The following NRXN1 variants were observed in gnomAD, a reference collection of about 807,000 sequenced individuals.
NRXN1 encodes neurexin 1.
In NRXN1, 39 loss-of-function variants were observed where a neutral mutation model predicts 150.9. The observed-to-expected ratio is 0.26, with a 90% CI of 0.20 to 0.34. The LOEUF is 0.34. Among genes scored for constraint, NRXN1 ranks in the 10% least tolerant of loss-of-function variants. NRXN1 has a pLI of 1.00. For synonymous variants in NRXN1, 924 were observed against 757.0 expected (o/e 1.22, Z -3.62); for missense variants, 1,815 against 1,949.9 (o/e 0.93, Z 1.30).
At chr2:50,297,146 C>A (rs2073681898) in intron 17 of NRXN1, among the ~76,000 whole-genome samples, 1 of 152,112 alleles carries the variant, frequency 6.6e-6, no homozygotes. Flanking sequence ...GCCTCAGCCT[C>A]CCAAAGTGCT....
At chr2:50,610,697 C>A in intron 8 of NRXN1, among the ~76,000 whole-genome samples, 2 of 74,590 alleles carry the variant, frequency 2.7e-5, no homozygotes, top group Admixed American at 1.7e-4. Context: ...AACAGAATAG[C>A]CAGATCACTT....
At chr2:50,335,477 G>A (rs1297229808) in intron 17 of NRXN1, among the ~76,000 whole-genome samples, 1 of 152,060 alleles carries the variant, frequency 6.6e-6, no homozygotes, top group African/African-American at 2.4e-5. Context: ...CAAAAAAGGT[G>A]CAATCATTTT....
intron 18 of NRXN1, among the ~76,000 whole-genome samples, chr2:50,094,601 C>G (rs1431855592): frequency 6.6e-6 from 1 of 151,914 alleles, no homozygotes; most frequent in Non-Finnish European, 1.5e-5. Context: ...AGTGGCCAAG[C>G]AAAGAGATAT....
In NRXN1 at chr2:51,023,769, C is replaced by G. The variant is rs189535527; in HGVS notation, c.772+3733G>C. On this transcript the variant is annotated intron_variant, in intron 2 of 22. Coordinates refer to ENST00000401669, the MANE Select transcript of NRXN1 (RefSeq NM_001330078.2). The stretch of plus-strand genomic sequence containing the variant: ...CTTGCTGAATAAAGAAATTAATAAA[C>G]AAATGAATGAATGAACAAATGAATG... 7.9e-5 allele frequency among the ~76,000 whole-genome samples: 12 copies of G among 152,220 alleles called. No homozygotes were observed. In the East Asian group the frequency reaches 2.3e-3, roughly 29 times the overall value.
chr2:50,229,332 T>A (rs2064718273), intron 18 of NRXN1, among the ~76,000 whole-genome samples: 1 of 54,684 alleles, frequency 1.8e-5, no homozygotes, highest in South Asian at 4.9e-4. Context: ...TTTTTTTTTG[T>A]GTGTGTGTGT....
intron 5 of NRXN1, among the ~76,000 whole-genome samples, chr2:50,828,810 C>A (rs1009124945): frequency 6.6e-6 from 1 of 152,114 alleles, no homozygotes; most frequent in Non-Finnish European, 1.5e-5. Flanking sequence ...AGACGCTCCT[C>A]ACTTCCCAGA....
chr2:50,012,709 C>A (rs1022215167), intron 21 of NRXN1, among the ~76,000 whole-genome samples: 7 of 152,000 alleles, frequency 4.6e-5, no homozygotes, highest in Non-Finnish European at 1.0e-4. Flanking sequence ...CTACAAGGCA[C>A]CAAGTTCTGT....
intron 5 of NRXN1, among the ~76,000 whole-genome samples, chr2:50,858,175 G>T (rs1304076216): frequency 6.6e-6 from 1 of 151,622 alleles, no homozygotes; most frequent in African/African-American, 2.4e-5. Flanking sequence ...CAGGCTGGTT[G>T]AATTAAGCTC....
chr2:50,018,555 C>T (rs953308593), intron 21 of NRXN1, among the ~76,000 whole-genome samples: 16 of 152,266 alleles, frequency 1.1e-4, no homozygotes, highest in African/African-American at 3.8e-4. Context: ...ATTATCACAC[C>T]TCCCCTCTCT....
intron 5 of NRXN1, among the ~76,000 whole-genome samples, chr2:50,800,061 C>A (rs1272541064): frequency 2.0e-5 from 3 of 152,088 alleles, no homozygotes; most frequent in Non-Finnish European, 4.4e-5. Context: ...TGTAGTTATG[C>A]AAAAAGCCAA....
chr2:50,445,027 C>A (rs1030310859), intron 17 of NRXN1, among the ~76,000 whole-genome samples: 2 of 152,136 alleles, frequency 1.3e-5, no homozygotes, highest in African/African-American at 4.8e-5. Flanking sequence ...ATGCAGGAAG[C>A]ACTGTGCCCG....
At chr2:50,815,495 T>C (rs1328543330) in intron 5 of NRXN1, among the ~76,000 whole-genome samples, 1 of 152,184 alleles carries the variant, frequency 6.6e-6, no homozygotes, top group African/African-American at 2.4e-5. Flanking sequence ...ATAAGTCTCT[T>C]TGCTATTTAA....
At position 50,783,758 on chromosome 2, in the gene NRXN1, G is replaced by A. The variant is rs149350613; in HGVS notation, c.832+138111C>T. Among the ~76,000 whole-genome samples, 1,515 of 152,196 alleles carry A rather than the reference G, an allele frequency of 1.0e-2. 17 individuals are homozygous for A. The highest frequency in any genetic ancestry group is 0.017 in the South Asian group (84 of 4,826). Reference sequence around the variant, plus strand: ...CAAACATAGTGCTACTTTTCCAAGTGTGGGAATAACTCATTCTGAACCACT... The same window carrying A: ...CAAACATAGTGCTACTTTTCCAAGTATGGGAATAACTCATTCTGAACCACT... On this transcript the variant is annotated intron_variant, in intron 5 of 22. Coordinates refer to ENST00000401669, the MANE Select transcript of NRXN1 (RefSeq NM_001330078.2).
intron 19 of NRXN1, among the ~76,000 whole-genome samples, chr2:50,072,827 G>A (rs1476541302): frequency 6.6e-6 from 1 of 152,174 alleles, no homozygotes; most frequent in Non-Finnish European, 1.5e-5. Flanking sequence ...GGCCCAGCAA[G>A]TGGATGACGG....
At chr2:50,997,300 G>C (rs958169688) in intron 2 of NRXN1, among the ~76,000 whole-genome samples, 2 of 151,886 alleles carry the variant, frequency 1.3e-5, no homozygotes, top group Non-Finnish European at 2.9e-5. Flanking sequence ...CAAGTGCAGT[G>C]GTATGCACCT....
intron 18 of NRXN1, among the ~76,000 whole-genome samples, chr2:50,220,866 G>T (rs566892094): frequency 4.5e-4 from 68 of 152,074 alleles, no homozygotes; most frequent in Non-Finnish European, 8.1e-4. Flanking sequence ...AAGCCACTCT[G>T]CTGACAAAAG....
At chr2:50,928,018 T>C (rs1046296363) in intron 2 of NRXN1, among the ~76,000 whole-genome samples, 1 of 151,964 alleles carries the variant, frequency 6.6e-6, no homozygotes, top group African/African-American at 2.4e-5. Flanking sequence ...TCTCCTTTCA[T>C]GACCATAGAT....
At chr2:50,361,304 A>C (rs921714860) in intron 17 of NRXN1, among the ~76,000 whole-genome samples, 2 of 152,200 alleles carry the variant, frequency 1.3e-5, no homozygotes, top group African/African-American at 2.4e-5. Flanking sequence ...AAAAACCTTC[A>C]AAAAATCAAT....
intron 17 of NRXN1, among the ~76,000 whole-genome samples, chr2:50,438,210 C>T (rs554918156): frequency 6.6e-6 from 1 of 152,194 alleles, no homozygotes; most frequent in African/African-American, 2.4e-5. Context: ...AAAAACTCTT[C>T]TCCAGGCATG....
Sources: gnomAD v4.1 joint callset for allele counts (sites outside exome capture counted in the v4.1 genomes callset) on GRCh38, gnomAD v4.1.1 for gene constraint, MANE v1.5 for transcripts, NCBI Gene and HGNC (gene_info 2026-07-23, HGNC 2026-07-21) for gene names.